The following MISFA variants were observed in gnomAD, a reference collection of about 807,000 sequenced individuals.
MISFA encodes the protein mitochondrial sheath formation associated.
At chr11:18,609,712 C>T in the MISFA span, 1 of 662,344 alleles carries the variant, frequency 1.5e-6, no homozygotes, top group Non-Finnish European at 2.6e-6. Flanking sequence ...ATTTTATGCT[C>T]AAATGACAGC....
the MISFA span, chr11:18,609,625 CAGTTA>C: frequency 7.7e-6 from 4 of 517,882 alleles, no homozygotes; most frequent in South Asian, 1.0e-4. Flanking sequence ...CATCTGTGAA[CAGTTA>C]ACTTCATAAG....
the MISFA span, chr11:18,599,807 C>G: frequency 2.5e-6 from 1 of 393,990 alleles, no homozygotes; most frequent in Admixed American, 4.4e-5. Flanking sequence ...GAGCCAAAGA[C>G]TCGAACAGAC....
At chr11:18,606,659 T>C in the MISFA span, 3 of 390,896 alleles carry the variant, frequency 7.7e-6, no homozygotes, top group South Asian at 5.7e-5. Flanking sequence ...AGAAAATAAA[T>C]AGTAGTCTAA....
the MISFA span, among the ~76,000 whole-genome samples, chr11:18,604,795 T>G: frequency 1.3e-5 from 2 of 152,218 alleles, no homozygotes; most frequent in African/African-American, 4.8e-5. Context: ...AGGGGCATGT[T>G]TATCTTGCCA....
At chr11:18,604,968 C>T in the MISFA span, among the ~76,000 whole-genome samples, 1 of 152,128 alleles carries the variant, frequency 6.6e-6, no homozygotes, top group Non-Finnish European at 1.5e-5. Context: ...TTAGGCCAGG[C>T]GTGGTGGCTC....
chr11:18,608,636 C>T, the MISFA span: 1 of 152,204 alleles, frequency 6.6e-6, no homozygotes, highest in Non-Finnish European at 1.5e-5. Context: ...TTCCTTCCAG[C>T]ATGATCCTAA....
the MISFA span, among the ~76,000 whole-genome samples, chr11:18,605,670 T>C: frequency 6.6e-6 from 1 of 152,216 alleles, no homozygotes; most frequent in South Asian, 2.1e-4. Flanking sequence ...ATCCTCTGGC[T>C]GTATAGCTCT....
the MISFA span, among the ~76,000 whole-genome samples, chr11:18,606,048 C>T: frequency 6.6e-6 from 1 of 152,276 alleles, no homozygotes; most frequent in South Asian, 2.1e-4. Flanking sequence ...AGAGATAGGA[C>T]CCTGCTCATT....
the MISFA span, among the ~76,000 whole-genome samples, chr11:18,600,589 C>T: frequency 1.4e-5 from 2 of 139,304 alleles, no homozygotes; most frequent in Admixed American, 7.9e-5. Flanking sequence ...GGTGCGATCT[C>T]GGCTCACTGC....
At chr11:18,604,168 T>C in the MISFA span, among the ~76,000 whole-genome samples, 6 of 152,080 alleles carry the variant, frequency 3.9e-5, no homozygotes, top group East Asian at 1.2e-3. Context: ...CCTCATGATC[T>C]GCCCGCCTCG....
the MISFA span, chr11:18,601,870 G>A: frequency 4.4e-6 from 1 of 229,530 alleles, no homozygotes; most frequent in Admixed American, 5.7e-5. Flanking sequence ...CTGTACAACA[G>A]GAGATATCAC....
At chr11:18,601,435 T>C in the MISFA span, 4 of 398,116 alleles carry the variant, frequency 1.0e-5, no homozygotes, top group Non-Finnish European at 1.8e-5. Context: ...TATTATACTA[T>C]TAATAGCATT....
chr11:18,602,874 G>A, the MISFA span: 1 of 357,522 alleles, frequency 2.8e-6, no homozygotes, highest in African/African-American at 2.1e-5. Flanking sequence ...CCATCCCATA[G>A]GTGCTCATGC....
chr11:18,604,813 C>A, the MISFA span, among the ~76,000 whole-genome samples: 1 of 152,200 alleles, frequency 6.6e-6, no homozygotes, highest in Non-Finnish European at 1.5e-5. Context: ...CCAACACACA[C>A]AGCCCTGGGC....
the MISFA span, chr11:18,601,363 T>C: frequency 2.5e-6 from 1 of 398,060 alleles, no homozygotes; most frequent in Non-Finnish European, 4.4e-6. Flanking sequence ...TAACCATGTC[T>C]CATAGGTGTT....
the MISFA span, chr11:18,609,088 TG>T: frequency 6.6e-6 from 1 of 152,248 alleles, no homozygotes; most frequent in East Asian, 1.9e-4. Context: ...GATATAAAAA[TG>T]AATTTTTTTA....
the MISFA span, chr11:18,608,023 G>A: frequency 6.6e-6 from 1 of 152,440 alleles, no homozygotes; most frequent in Non-Finnish European, 1.5e-5. Flanking sequence ...ATTTTTGAAG[G>A]GGGAATAAAA....
At chr11:18,602,948 A>G in the MISFA span, 5 of 393,144 alleles carry the variant, frequency 1.3e-5, no homozygotes, top group Admixed American at 1.3e-4. Context: ...TGCCCCCCTA[A>G]ATGGCCATGA....
chr11:18,609,310 A>C, the MISFA span: 1 of 152,320 alleles, frequency 6.6e-6, no homozygotes, highest in African/African-American at 2.5e-5. Context: ...TTTGTACTTC[A>C]AAGTCACAGG....
Sources: allele counts gnomAD v4.1 joint callset (sites outside exome capture counted in the v4.1 genomes callset), GRCh38; gene constraint gnomAD v4.1.1; transcripts MANE v1.5; gene names NCBI Gene and HGNC (gene_info 2026-07-23, HGNC 2026-07-21).